LARP1B: variants seen among roughly 807,000 people sequenced by gnomAD.
The protein encoded by LARP1B is la-related protein 1B.
In LARP1B, 76 loss-of-function variants were observed where a neutral mutation model predicts 114.2. The ratio of observed to expected loss-of-function variants is 0.67; its 90% CI spans 0.55 to 0.81. The LOEUF (loss-of-function observed/expected upper bound fraction) is 0.81, where lower values mean the gene tolerates loss of function less well. LARP1B is among the 30% of genes least tolerant of loss of function. The pLI is 0.00. For missense variants in LARP1B, 1,014 were observed against 1,075.8 expected (o/e 0.94, Z 0.80); for synonymous variants, 345 against 348.0 (o/e 0.99, Z 0.10).
At chr4:128,065,430 G>A (rs966290648) in intron 1 of LARP1B, among the ~76,000 whole-genome samples, 4 of 147,930 alleles carry the variant, frequency 2.7e-5, no homozygotes, top group African/African-American at 1.0e-4. Flanking sequence ...GGCTGGTCTT[G>A]AACTGCTGGC....
chr4:128,172,782 AG>A lies in LARP1B; in HGVS notation c.1649-4087del, dbSNP rs1181387991. ...TCCAATTACATTTAAAATTTATATT[AG>A]GGCACTTGAAGTTGTCCCATACTTC... is the stretch of plus-strand genomic sequence containing the variant. On this transcript the variant is annotated intron_variant, in intron 12 of 19. Coordinates refer to ENST00000326639, the MANE Select transcript of LARP1B (RefSeq NM_018078.4). 7.9e-5 allele frequency among the ~76,000 whole-genome samples: 12 copies of A among 152,034 alleles called. 1 individual carries two copies. The East Asian group carries it at 2.3e-3, about 29-fold the overall frequency.
At chr4:128,218,172 A>T in intron 6 of LARP1B, among the ~76,000 whole-genome samples, 1 of 121,424 alleles carries the variant, frequency 8.2e-6, no homozygotes, top group East Asian at 2.3e-4. Context: ...AGAACATTCC[A>T]TGCTCATGGG....
intron 18 of LARP1B, chr4:128,206,741 A>G: frequency 1.0e-6 from 1 of 985,258 alleles, no homozygotes; most frequent in Non-Finnish European, 1.2e-6. Context: ...AACTACTCTC[A>G]AGTCTTTCTT....
At chr4:128,198,063 T>C (rs1270270927) in intron 15 of LARP1B, among the ~76,000 whole-genome samples, 1 of 151,866 alleles carries the variant, frequency 6.6e-6, no homozygotes, top group East Asian at 1.9e-4. Flanking sequence ...TTTTGTATTT[T>C]TTATAGAGAC....
rs79151791 is a variant in LARP1B at position 128,131,616 on chromosome 4, G to A, written c.1524+9428G>A. Among the ~76,000 whole-genome samples the A allele has an allele frequency of 6.9e-3, 1,055 of 152,266 alleles. 15 individuals carry two copies. Among genetic ancestry groups the A allele is most frequent in the African/African-American group, 0.024 (994 of 41,560 alleles). ...GTCTGTATTCCCAGCTACTCCAGAG[G>A]TTGAGGCAGGAGGATTGTGTGAGCC... On this transcript the variant is annotated intron_variant, in intron 11 of 19. Transcript: ENST00000326639.
intron 11 of LARP1B, among the ~76,000 whole-genome samples, chr4:128,134,777 A>G (rs1201413859): frequency 1.3e-5 from 2 of 152,188 alleles, no homozygotes; most frequent in Non-Finnish European, 2.9e-5. Flanking sequence ...TGGACAGAAG[A>G]CTTGTGTAGA....
At chr4:128,085,353 C>CTTTTTT (rs35260726) in intron 5 of LARP1B, among the ~76,000 whole-genome samples, 13 of 85,822 alleles carry the variant, frequency 1.5e-4, no homozygotes, top group Non-Finnish European at 2.3e-4. Flanking sequence ...CCTTAGCTTC[C>CTTTTTT]TTTTTTTTTT....
intron 14 of LARP1B, 130 bp downstream of exon 14, chr4:128,178,772 C>T (rs891728746): frequency 2.5e-6 from 2 of 805,398 alleles, no homozygotes; most frequent in African/African-American, 1.7e-5. Context: ...AAAAATCATA[C>T]TTTACCATAG....
At chr4:128,181,907 G>A (rs1403907883) in intron 15 of LARP1B, among the ~76,000 whole-genome samples, 5 of 145,780 alleles carry the variant, frequency 3.4e-5, no homozygotes, top group Non-Finnish European at 4.5e-5. Flanking sequence ...CTGGGTTCAC[G>A]CCATTCTCCT....
chr4:128,062,154 C>T (rs1342135195), intron 1 of LARP1B: 11 of 985,296 alleles, frequency 1.1e-5, no homozygotes, highest in Non-Finnish European at 1.3e-5. Context: ...ACCAAAAAGC[C>T]TCCCCAGCAC....
At chr4:128,128,944 C>T (rs1239223769) in intron 11 of LARP1B, among the ~76,000 whole-genome samples, 1 of 151,994 alleles carries the variant, frequency 6.6e-6, no homozygotes, top group Non-Finnish European at 1.5e-5. Context: ...GTGGGCAGAT[C>T]ACGAGGTCAG....
At chr4:128,131,295 A>G (rs1791499956) in intron 11 of LARP1B, among the ~76,000 whole-genome samples, 1 of 152,138 alleles carries the variant, frequency 6.6e-6, no homozygotes, top group Admixed American at 6.6e-5. Flanking sequence ...TGTGAACCTA[A>G]AACTTCTAAA....
At chr4:128,110,846 A>T (rs1332565004) in intron 9 of LARP1B, among the ~76,000 whole-genome samples, 1 of 151,796 alleles carries the variant, frequency 6.6e-6, no homozygotes, top group South Asian at 2.1e-4. Context: ...GTTGGCGAAT[A>T]TATTGAAATA....
chr4:128,112,295 A>G (rs892964017), intron 9 of LARP1B, among the ~76,000 whole-genome samples: 8 of 151,800 alleles, frequency 5.3e-5, no homozygotes, highest in Admixed American at 3.9e-4. Flanking sequence ...AACTTAATAG[A>G]TCCAAATGTT....
At chr4:128,095,352 G>C (rs751913398) in intron 7 of LARP1B, among the ~76,000 whole-genome samples, 10 of 151,876 alleles carry the variant, frequency 6.6e-5, no homozygotes, top group Non-Finnish European at 1.0e-4. Context: ...AGCCGGGCAT[G>C]GTGGCACACA....
chr4:128,065,713 C>A (rs1300713222), intron 1 of LARP1B, among the ~76,000 whole-genome samples: 1 of 152,086 alleles, frequency 6.6e-6, no homozygotes, highest in Admixed American at 6.6e-5. Flanking sequence ...TGGATAGACT[C>A]ATTTCCTCTG....
At chr4:128,180,852 C>T (rs989758288) in intron 15 of LARP1B, among the ~76,000 whole-genome samples, 12 of 152,124 alleles carry the variant, frequency 7.9e-5, no homozygotes, top group African/African-American at 2.7e-4. Flanking sequence ...CAAAGTGGCC[C>T]TATCATTTTG....
chr4:128,159,765 G>C (rs1033668029), intron 11 of LARP1B, among the ~76,000 whole-genome samples: 2 of 152,150 alleles, frequency 1.3e-5, no homozygotes, highest in African/African-American at 4.8e-5. Flanking sequence ...TGCTAATGGG[G>C]ATAAAAATAG....
intron 10 of LARP1B, among the ~76,000 whole-genome samples, chr4:128,115,829 G>T (rs2149919443): frequency 6.6e-6 from 1 of 152,046 alleles, no homozygotes; most frequent in Admixed American, 6.5e-5. Context: ...CTATTTTTTT[G>T]TGTGTTTCTG....
Sources: allele counts gnomAD v4.1 joint callset (sites outside exome capture counted in the v4.1 genomes callset), GRCh38; gene constraint gnomAD v4.1.1; transcripts MANE v1.5; gene names NCBI Gene and HGNC (gene_info 2026-07-23, HGNC 2026-07-21).